The following CHRM2 variants were observed in gnomAD, a reference collection of about 807,000 sequenced individuals.
The protein encoded by CHRM2 is cholinergic receptor muscarinic 2.
CHRM2 carries 8 observed loss-of-function variants against 25.0 expected under a neutral mutation model. That is an observed-to-expected ratio of 0.32 (90% CI 0.19 to 0.58). The LOEUF (loss-of-function observed/expected upper bound fraction) is 0.58. CHRM2 is among the 20% of genes least tolerant of loss of function. The probability of loss-of-function intolerance (pLI) is 0.88; values close to 1 mark genes in which losing one functional copy is unlikely to be tolerated. For missense variants in CHRM2, 440 were observed against 567.1 expected, an observed-to-expected ratio of 0.78 and a Z score of 2.28; for synonymous variants, 202 against 205.7, an observed-to-expected ratio of 0.98 and a Z score of 0.15.
intron 3 of CHRM2, among the ~76,000 whole-genome samples, chr7:136,994,048 A>T (rs529889883): frequency 6.6e-5 from 10 of 152,288 alleles, no homozygotes; most frequent in Non-Finnish European, 1.3e-4. Context: ...AATGCAGAAT[A>T]CTAACTGTGA....
chr7:136,960,565 T>C (rs1248357272), intron 2 of CHRM2, among the ~76,000 whole-genome samples: 1 of 152,210 alleles, frequency 6.6e-6, no homozygotes, highest in Admixed American at 6.5e-5. Flanking sequence ...TAACTATAAG[T>C]TGTAGAGTAA....
intron 2 of CHRM2, among the ~76,000 whole-genome samples, chr7:136,885,158 T>C (rs1318288720): frequency 2.6e-5 from 4 of 152,196 alleles, no homozygotes; most frequent in Non-Finnish European, 5.9e-5. Context: ...GAAAAATAAT[T>C]TGGACAGGGA....
At position 136,948,051 on chromosome 7, in the gene CHRM2, G is replaced by C. The variant is rs142063212; in HGVS notation, c.-124-44136G>C. 5.5e-4 allele frequency among the ~76,000 whole-genome samples: 84 copies of C among 152,260 alleles called. 1 individual carries two copies. In the East Asian group the frequency reaches 0.016, roughly 29 times the overall value. On this transcript the variant is annotated intron_variant, in intron 2 of 3. Coordinates refer to ENST00000680005, the MANE Select transcript of CHRM2 (RefSeq NM_001006630.2). ...GTGGTTCCAGTCCTCATGGCTGGGG[G>C]ATTGTATGCAGCAGTAGGCAACAGT...
At chr7:136,987,038 T>C (rs1436781020) in intron 2 of CHRM2, among the ~76,000 whole-genome samples, 1 of 152,202 alleles carries the variant, frequency 6.6e-6, no homozygotes, top group East Asian at 1.9e-4. Context: ...AAACAAAAAC[T>C]GATTTTCTCT....
In CHRM2 at chr7:136,910,830, T is replaced by A. The variant is rs28636500; in HGVS notation, c.-125+41412T>A. Among the ~76,000 whole-genome samples, 806 of 149,690 alleles carry A rather than the reference T, an allele frequency of 5.4e-3. 5 individuals are homozygous for A. The highest frequency in any genetic ancestry group is 0.028 in the South Asian group (132 of 4,748). ...GTGTGTGTGTGTGTGTGTGTGTGTGTGAGAGAGAGAGAGAAACTTGGTGCC... is the reference window on the plus strand; with the variant it reads ...GTGTGTGTGTGTGTGTGTGTGTGTGAGAGAGAGAGAGAGAAACTTGGTGCC... On this transcript the variant is annotated intron_variant, in intron 2 of 3. Coordinates refer to ENST00000680005, the MANE Select transcript of CHRM2 (RefSeq NM_001006630.2).
chr7:136,891,595 G>C (rs1389410011), intron 2 of CHRM2, among the ~76,000 whole-genome samples: 1 of 152,078 alleles, frequency 6.6e-6, no homozygotes, highest in African/African-American at 2.4e-5. Flanking sequence ...CCTTTTCATG[G>C]CCTTCAATGC....
intron 2 of CHRM2, among the ~76,000 whole-genome samples, chr7:136,925,916 C>T (rs1216974780): frequency 3.3e-5 from 5 of 152,156 alleles, no homozygotes; most frequent in African/African-American, 1.2e-4. Context: ...TGGTTTCAGG[C>T]TTTAATATGG....
At chr7:136,944,814 T>TA (rs1281973305) in intron 2 of CHRM2, among the ~76,000 whole-genome samples, 1 of 152,082 alleles carries the variant, frequency 6.6e-6, no homozygotes, top group African/African-American at 2.4e-5. Flanking sequence ...CCATCACTTT[T>TA]AATGGCAAAA....
chr7:137,001,999 T>G (rs1261165425), intron 3 of CHRM2, among the ~76,000 whole-genome samples: 1 of 152,088 alleles, frequency 6.6e-6, no homozygotes, highest in Non-Finnish European at 1.5e-5. Flanking sequence ...AATGAATACA[T>G]ATGTAGAAGA....
intron 2 of CHRM2, among the ~76,000 whole-genome samples, chr7:136,989,707 T>C (rs1039713974): frequency 6.6e-6 from 1 of 152,184 alleles, no homozygotes; most frequent in African/African-American, 2.4e-5. Flanking sequence ...TTGTTTGCCA[T>C]GGATCATTGC....
chr7:136,953,760 G>A (rs991081352), intron 2 of CHRM2, among the ~76,000 whole-genome samples: 8 of 151,850 alleles, frequency 5.3e-5, no homozygotes, highest in Non-Finnish European at 1.2e-4. Context: ...TATTTCAGAC[G>A]GACAAAGCAC....
At chr7:137,004,545 G>A (rs546568721) in intron 3 of CHRM2, among the ~76,000 whole-genome samples, 9 of 152,122 alleles carry the variant, frequency 5.9e-5, no homozygotes, top group South Asian at 2.1e-4. Flanking sequence ...TGAGGTCTTC[G>A]GAAGAGAGGG....
chr7:137,004,327 G>A (rs1367439625), intron 3 of CHRM2, among the ~76,000 whole-genome samples: 2 of 152,126 alleles, frequency 1.3e-5, no homozygotes, highest in East Asian at 1.9e-4. Flanking sequence ...ATTTCAAGAA[G>A]GGAAATGCCA....
chr7:136,918,613 A>G (rs1798253085), intron 2 of CHRM2, among the ~76,000 whole-genome samples: 1 of 152,004 alleles, frequency 6.6e-6, no homozygotes, highest in Non-Finnish European at 1.5e-5. Context: ...ATTTTATTAG[A>G]GACAGTGTCC....
At chr7:136,935,008 G>C (rs1330448793) in intron 2 of CHRM2, among the ~76,000 whole-genome samples, 2 of 152,106 alleles carry the variant, frequency 1.3e-5, no homozygotes, top group African/African-American at 2.4e-5. Flanking sequence ...AAATGAAAAT[G>C]AGGATGCATT....
At chr7:136,939,613 G>C (rs1404152989) in intron 2 of CHRM2, among the ~76,000 whole-genome samples, 1 of 152,160 alleles carries the variant, frequency 6.6e-6, no homozygotes, top group Admixed American at 6.5e-5. Context: ...AATAATTTTA[G>C]ATGTTCTTTA....
At chr7:136,877,304 C>T (rs577334465) in intron 2 of CHRM2, among the ~76,000 whole-genome samples, 1 of 152,152 alleles carries the variant, frequency 6.6e-6, no homozygotes, top group East Asian at 1.9e-4. Flanking sequence ...GTAGAGGAAA[C>T]CTAGATACCT....
intron 2 of CHRM2, among the ~76,000 whole-genome samples, chr7:136,980,006 A>G (rs564455150): frequency 2.6e-5 from 4 of 152,322 alleles, no homozygotes; most frequent in African/African-American, 9.6e-5. Context: ...CTTGATGGGA[A>G]TAGCATTGAA....
At chr7:136,905,737 T>C (rs1460299208) in intron 2 of CHRM2, among the ~76,000 whole-genome samples, 3 of 151,614 alleles carry the variant, frequency 2.0e-5, no homozygotes, top group Non-Finnish European at 3.0e-5. Context: ...TCTCTCATAT[T>C]TTCTCTTCTC....
Sources: allele counts gnomAD v4.1 joint callset (sites outside exome capture counted in the v4.1 genomes callset), GRCh38; gene constraint gnomAD v4.1.1; transcripts MANE v1.5; gene names NCBI Gene and HGNC (gene_info 2026-07-23, HGNC 2026-07-21).